Variants in TTC27 observed in about 807,000 individuals in gnomAD.
TTC27 encodes the protein tetratricopeptide repeat domain 27.
TTC27 carries 79 observed loss-of-function variants against 115.9 expected under a neutral mutation model. That is an observed-to-expected ratio of 0.68 (90% CI 0.57 to 0.82). The LOEUF (loss-of-function observed/expected upper bound fraction) is 0.82. Among genes scored for constraint, TTC27 ranks in the 40% least tolerant of loss-of-function variants. The pLI is 0.00. For synonymous variants in TTC27, 401 were observed against 356.0 expected, an observed-to-expected ratio of 1.13 and a Z score of -1.42; for missense variants, 1,054 against 993.1, an observed-to-expected ratio of 1.06 and a Z score of -0.82.
intron 10 of TTC27, among the ~76,000 whole-genome samples, chr2:32,705,305 C>T (rs1026666053): frequency 3.9e-5 from 6 of 152,116 alleles, no homozygotes; most frequent in African/African-American, 1.4e-4. Flanking sequence ...GCTTGTACAG[C>T]CTGCAGAACC....
chr2:32,791,909 A>G (rs539124281), intron 16 of TTC27, among the ~76,000 whole-genome samples: 94 of 152,304 alleles, frequency 6.2e-4, no homozygotes, highest in African/African-American at 2.2e-3. Flanking sequence ...AAATAAAAAA[A>G]TAATTTGCAG....
At chr2:32,710,443 T>TG in intron 10 of TTC27, among the ~76,000 whole-genome samples, 1 of 151,266 alleles carries the variant, frequency 6.6e-6, no homozygotes, top group South Asian at 2.1e-4. Context: ...TTTTTTTTTT[T>TG]TCTGAGATGG....
At chr2:32,777,288 G>T (rs1054036589) in intron 13 of TTC27, among the ~76,000 whole-genome samples, 2 of 152,218 alleles carry the variant, frequency 1.3e-5, no homozygotes, top group Admixed American at 1.3e-4. Flanking sequence ...GTATATGGTG[G>T]TCCCTCAGAA....
chr2:32,708,108 G>A (rs566695126), intron 10 of TTC27, among the ~76,000 whole-genome samples: 2 of 151,942 alleles, frequency 1.3e-5, no homozygotes, highest in Non-Finnish European at 2.9e-5. Context: ...ATACAGGTTC[G>A]CTTATATATG....
intron 10 of TTC27, among the ~76,000 whole-genome samples, chr2:32,706,861 C>T (rs566024108): frequency 1.5e-3 from 227 of 152,308 alleles, no homozygotes; most frequent in African/African-American, 4.6e-3. Flanking sequence ...CTGCGCCTGG[C>T]CCCCTTCTTT....
At chr2:32,756,093 A>C (rs940665012) in intron 12 of TTC27, among the ~76,000 whole-genome samples, 1 of 152,220 alleles carries the variant, frequency 6.6e-6, no homozygotes, top group East Asian at 1.9e-4. Context: ...CCAGGAGTAC[A>C]TTGCCTGAAA....
rs1311865528 is a variant in TTC27 at position 32,710,768 on chromosome 2, A to T, written c.1233+7848A>T. On this transcript the variant is annotated intron_variant, in intron 10 of 19. Coordinates refer to ENST00000317907, the MANE Select transcript of TTC27 (RefSeq NM_017735.5). Reference sequence around the variant, plus strand: ...CAGTTCTAAACCTGCATTTGTGAAGATTATGTTTTTAGATATCAAATAACA... The same window carrying T: ...CAGTTCTAAACCTGCATTTGTGAAGTTTATGTTTTTAGATATCAAATAACA... 3.9e-5 allele frequency among the ~76,000 whole-genome samples: 6 copies of T among 152,052 alleles called. No homozygotes were observed. In the East Asian group the frequency reaches 9.7e-4, roughly 24 times the overall value.
intron 13 of TTC27, among the ~76,000 whole-genome samples, chr2:32,760,015 T>G (rs1189446326): frequency 2.0e-5 from 3 of 152,228 alleles, no homozygotes; most frequent in African/African-American, 7.2e-5. Flanking sequence ...TTGGCTTACT[T>G]CCACCTCTTG....
chr2:32,760,270 T>G (rs1669390432), intron 13 of TTC27, among the ~76,000 whole-genome samples: 1 of 152,196 alleles, frequency 6.6e-6, no homozygotes, highest in Non-Finnish European at 1.5e-5. Context: ...CAGAAACTAA[T>G]GGGTGTATTT....
chr2:32,659,527 G>T (rs1256127119), intron 5 of TTC27, among the ~76,000 whole-genome samples: 1 of 151,866 alleles, frequency 6.6e-6, no homozygotes, highest in East Asian at 1.9e-4. Flanking sequence ...ACCTTATGTT[G>T]CCATGTTTTT....
At chr2:32,649,336 G>A (rs1331282021) in intron 4 of TTC27, among the ~76,000 whole-genome samples, 1 of 151,826 alleles carries the variant, frequency 6.6e-6, no homozygotes, top group Non-Finnish European at 1.5e-5. Context: ...TTCTTACCTT[G>A]TTGGGTAGTA....
At chr2:32,644,235 C>T (rs952125983) in intron 4 of TTC27, among the ~76,000 whole-genome samples, 2 of 149,502 alleles carry the variant, frequency 1.3e-5, no homozygotes, top group Admixed American at 6.7e-5. Context: ...GCCTGTAATC[C>T]TAGCTACTCA....
intron 10 of TTC27, among the ~76,000 whole-genome samples, chr2:32,706,331 C>T (rs1018955246): frequency 1.3e-5 from 2 of 151,902 alleles, no homozygotes; most frequent in African/African-American, 4.8e-5. Flanking sequence ...TATCTGCCCA[C>T]CTCAGCCTCC....
At chr2:32,798,713 A>AAAAAAAAATAAT (rs1368512271) in intron 16 of TTC27, among the ~76,000 whole-genome samples, 3 of 142,348 alleles carry the variant, frequency 2.1e-5, no homozygotes, top group African/African-American at 8.1e-5. Context: ...TCAAAAAAAA[A>AAAAAAAAATAAT]AATAATAATA....
At chr2:32,715,574 G>A (rs1301012840) in intron 10 of TTC27, among the ~76,000 whole-genome samples, 1 of 152,020 alleles carries the variant, frequency 6.6e-6, no homozygotes, top group Non-Finnish European at 1.5e-5. Flanking sequence ...GAAGGAGTGG[G>A]GATTTTTATC....
chr2:32,743,114 C>T (rs917077042), intron 12 of TTC27, among the ~76,000 whole-genome samples: 3 of 152,006 alleles, frequency 2.0e-5, no homozygotes, highest in Non-Finnish European at 2.9e-5. Context: ...TCATTTTTTA[C>T]GTGGAGGGCT....
At chr2:32,795,339 A>G (rs546954951) in intron 16 of TTC27, among the ~76,000 whole-genome samples, 152 of 148,356 alleles carry the variant, frequency 1.0e-3, no homozygotes, top group East Asian at 4.3e-3. Flanking sequence ...GAATGAGGGG[A>G]AAAAAAAATC....
At chr2:32,716,868 G>GT (rs1667769418) in intron 10 of TTC27, among the ~76,000 whole-genome samples, 1 of 151,402 alleles carries the variant, frequency 6.6e-6, no homozygotes, top group South Asian at 2.1e-4. Flanking sequence ...TAATTTTTAA[G>GT]TTTTTTGTAG....
At position 32,650,119 on chromosome 2, in the gene TTC27, G is replaced by GT. The variant is rs1473353584; in HGVS notation, c.538-6dup. The GT allele has an allele frequency of 1.9e-6, 3 of 1,608,910 alleles. No individual in the cohort carries two copies. Among genetic ancestry groups the GT allele is most frequent in the African/African-American group, 1.3e-5 (1 of 74,882 alleles). Reference sequence around the variant, plus strand: ...ATCCTTTTATTTCAGCTTACGTGGTGTTTTTTCCTAGAGCTTGCCATGGTG... The same window carrying GT: ...ATCCTTTTATTTCAGCTTACGTGGTGTTTTTTTCCTAGAGCTTGCCATGGTG... On this transcript the variant is annotated splice_polypyrimidine_tract_variant and intron_variant, in intron 4 of 19. Transcript: ENST00000317907.
Sources: allele counts gnomAD v4.1 joint callset (sites outside exome capture counted in the v4.1 genomes callset), GRCh38; gene constraint gnomAD v4.1.1; transcripts MANE v1.5; gene names NCBI Gene and HGNC (gene_info 2026-07-23, HGNC 2026-07-21).